The following NRXN3 variants were observed in gnomAD, a reference collection of about 807,000 sequenced individuals.
NRXN3 encodes neurexin 3, also known as neurexin III.
In NRXN3, 32 loss-of-function variants were observed where a neutral mutation model predicts 137.6. The observed-to-expected ratio is 0.23, with a 90% CI of 0.18 to 0.31. The LOEUF (loss-of-function observed/expected upper bound fraction) is 0.31. NRXN3 is among the 10% of genes least tolerant of loss of function. The pLI is 1.00. For synonymous variants in NRXN3, 798 were observed against 784.5 expected (o/e 1.02, Z -0.29); for missense variants, 1,574 against 2,062.5 (o/e 0.76, Z 4.59).
intron 2 of NRXN3, among the ~76,000 whole-genome samples, chr14:78,272,742 T>C (rs2072984389): frequency 1.3e-5 from 2 of 152,234 alleles, no homozygotes; most frequent in South Asian, 2.1e-4. Flanking sequence ...CCTTACCTGA[T>C]GTGCTGCTGA....
At chr14:79,806,305 C>T (rs1400255571) in intron 20 of NRXN3, among the ~76,000 whole-genome samples, 1 of 152,132 alleles carries the variant, frequency 6.6e-6, no homozygotes, top group Non-Finnish European at 1.5e-5. Flanking sequence ...CCTTCCATTT[C>T]TGACCCCTAA....
intron 4 of NRXN3, among the ~76,000 whole-genome samples, chr14:78,445,629 T>C (rs2094397812): frequency 6.6e-6 from 1 of 152,126 alleles, no homozygotes; most frequent in African/African-American, 2.4e-5. Flanking sequence ...ATTTACCAAG[T>C]TCTAGTGTCT....
In NRXN3 at chr14:79,582,379, C is replaced by A. The variant is rs111260061; in HGVS notation, c.3445-81399C>A. Among the ~76,000 whole-genome samples, 128 of 152,190 alleles carry A rather than the reference C, an allele frequency of 8.4e-4. No individual in the cohort carries two copies. The Middle Eastern group carries it at 0.017, about 20-fold the overall frequency. ...AAAATTCTCAACTTCTGACTATATC[C>A]TATGTTTTTTGTTTGGTTTTGTTTA... is the stretch of plus-strand genomic sequence containing the variant. On this transcript the variant is annotated intron_variant, in intron 16 of 20. Coordinates refer to ENST00000335750, the MANE Select transcript of NRXN3 (RefSeq NM_001330195.2).
intron 15 of NRXN3, among the ~76,000 whole-genome samples, chr14:79,242,717 A>C (rs1463795140): frequency 6.6e-6 from 1 of 152,176 alleles, no homozygotes; most frequent in African/African-American, 2.4e-5. Flanking sequence ...AGACAACCTG[A>C]GGGCTAAAGT....
At chr14:78,810,069 C>G (rs1300812120) in intron 9 of NRXN3, among the ~76,000 whole-genome samples, 4 of 150,028 alleles carry the variant, frequency 2.7e-5, no homozygotes, top group African/African-American at 9.8e-5. Flanking sequence ...ATATGTATAC[C>G]AGTATATATC....
intron 4 of NRXN3, among the ~76,000 whole-genome samples, chr14:78,441,349 C>T (rs1297073814): frequency 6.6e-6 from 1 of 152,120 alleles, no homozygotes; most frequent in African/African-American, 2.4e-5. Context: ...CAATTTCCTT[C>T]ATCAGAATTT....
chr14:79,576,660 G>T (rs1218765760), intron 16 of NRXN3, among the ~76,000 whole-genome samples: 2 of 152,012 alleles, frequency 1.3e-5, no homozygotes, highest in African/African-American at 4.8e-5. Context: ...TTGCTTCCCC[G>T]CTGACCATGG....
At chr14:79,165,794 A>T (rs1385947431) in intron 15 of NRXN3, among the ~76,000 whole-genome samples, 1 of 151,756 alleles carries the variant, frequency 6.6e-6, no homozygotes, top group African/African-American at 2.4e-5. Flanking sequence ...ACAACCATGT[A>T]CTCCTTTCTC....
intron 5 of NRXN3, among the ~76,000 whole-genome samples, chr14:78,648,779 A>G (rs1245299806): frequency 1.3e-5 from 2 of 152,070 alleles, no homozygotes; most frequent in Admixed American, 6.5e-5. Context: ...ACCCCAAAAT[A>G]TTTGTATTTC....
chr14:79,782,878 C>T (rs545342446), intron 19 of NRXN3, among the ~76,000 whole-genome samples: 36 of 152,188 alleles, frequency 2.4e-4, no homozygotes, highest in South Asian at 1.7e-3. Context: ...CTACCTTGAC[C>T]CAGAGATACG....
At chr14:78,330,378 TC>T (rs199900460) in intron 4 of NRXN3, among the ~76,000 whole-genome samples, 2,302 of 152,096 alleles carry the variant, frequency 0.015, 60 homozygotes, top group African/African-American at 0.053. Context: ...GTTTTTTTCC[TC>T]CAGAACACTA....
intron 16 of NRXN3, among the ~76,000 whole-genome samples, chr14:79,637,729 C>CTTTTTTTTTTTCTTT (rs2098411978): frequency 1.0e-5 from 1 of 95,622 alleles, no homozygotes. Flanking sequence ...TAGAAAAGTT[C>CTTTTTTTTTTTCTTT]TTTTTTTTTT....
chr14:78,532,321 CAAAAGAAAAAAAAAAAG>C (rs2096475981), intron 4 of NRXN3, among the ~76,000 whole-genome samples: 1 of 129,982 alleles, frequency 7.7e-6, no homozygotes, highest in East Asian at 2.2e-4. Flanking sequence ...AACTCCATCT[CAAAAGAAAAAAAAAAAG>C]AAAAGAAAAG....
chr14:78,202,536 G>C (rs563542008), intron 1 of NRXN3, among the ~76,000 whole-genome samples: 1 of 152,308 alleles, frequency 6.6e-6, no homozygotes, highest in African/African-American at 2.4e-5. Flanking sequence ...GGTCAGCTAG[G>C]TCACCTGAAA....
intron 18 of NRXN3, among the ~76,000 whole-genome samples, chr14:79,695,147 T>G (rs1428142656): frequency 6.6e-6 from 1 of 151,770 alleles, no homozygotes; most frequent in East Asian, 1.9e-4. Flanking sequence ...CTTTGTGGAG[T>G]GAATGATGGC....
At chr14:78,972,304 G>A (rs2153016547) in intron 14 of NRXN3, among the ~76,000 whole-genome samples, 1 of 152,238 alleles carries the variant, frequency 6.6e-6, no homozygotes, top group South Asian at 2.1e-4. Context: ...CATTAGTCTG[G>A]TGCCCTTTTG....
intron 14 of NRXN3, among the ~76,000 whole-genome samples, chr14:78,971,969 GAAAA>G (rs2099442820): frequency 6.6e-6 from 1 of 151,984 alleles, no homozygotes; most frequent in Non-Finnish European, 1.5e-5. Flanking sequence ...TAGCAAAAAA[GAAAA>G]AAATCTTGAA....
chr14:78,688,281 A>C (rs931943280), intron 6 of NRXN3, among the ~76,000 whole-genome samples: 1 of 152,196 alleles, frequency 6.6e-6, no homozygotes, highest in Non-Finnish European at 1.5e-5. Flanking sequence ...CAACAGGTAG[A>C]GATCTTACAG....
chr14:79,348,014 A>G (rs73325787), intron 15 of NRXN3, among the ~76,000 whole-genome samples: 3,600 of 152,210 alleles, frequency 0.024, 141 homozygotes, highest in African/African-American at 0.082. Flanking sequence ...TTCTTCTTTC[A>G]TGGCTTTTTA....
Sources: allele counts gnomAD v4.1 joint callset (sites outside exome capture counted in the v4.1 genomes callset), GRCh38; gene constraint gnomAD v4.1.1; transcripts MANE v1.5; gene names NCBI Gene and HGNC (gene_info 2026-07-23, HGNC 2026-07-21).